MTMR10: variants seen among roughly 807,000 people sequenced by gnomAD.
MTMR10 encodes myotubularin related protein 10, also known as myotubularin-related protein 10.
A neutral mutation model predicts 88.1 loss-of-function variants in MTMR10; 56 were observed. That is an observed-to-expected ratio of 0.64 (90% CI 0.51 to 0.79). MTMR10 has a LOEUF of 0.79. Among genes scored for constraint, MTMR10 ranks in the 30% least tolerant of loss-of-function variants. The probability of loss-of-function intolerance (pLI) is 0.00; values close to 1 mark genes in which losing one functional copy is unlikely to be tolerated. For synonymous variants in MTMR10, 380 were observed against 340.9 expected (o/e 1.11, Z -1.26); for missense variants, 883 against 924.7 (o/e 0.95, Z 0.58).
intron 12 of MTMR10, among the ~76,000 whole-genome samples, chr15:30,950,903 C>T (rs962004975): frequency 8.5e-5 from 13 of 152,074 alleles, no homozygotes; most frequent in African/African-American, 3.1e-4. Context: ...ACTTATAACA[C>T]CTAATACAAT....
chr15:30,942,224 A>C (rs2063078452), intron 15 of MTMR10, 152 bp from the exon 16 acceptor site: 2 of 952,286 alleles, frequency 2.1e-6, no homozygotes, highest in South Asian at 3.3e-5. Context: ...CCTTATTCTA[A>C]TCCTCCTCCC....
intron 2 of MTMR10, among the ~76,000 whole-genome samples, chr15:30,985,443 T>G (rs1231360232): frequency 6.6e-6 from 1 of 152,210 alleles, no homozygotes; most frequent in African/African-American, 2.4e-5. Context: ...GTGTCACCAG[T>G]GCAGCCAGGT....
chr15:30,959,819 T>C (rs1366014220), intron 7 of MTMR10, among the ~76,000 whole-genome samples: 1 of 152,210 alleles, frequency 6.6e-6, no homozygotes, highest in African/African-American at 2.4e-5. Context: ...TCTTCCTTTT[T>C]CTAAAAAGCT....
rs2062952408 is a variant in MTMR10, at chr15:30,939,117, C to T, written c.*2353G>A. On this transcript the variant is annotated 3_prime_UTR_variant, in exon 16 of 16. Coordinates refer to ENST00000435680, the MANE Select transcript of MTMR10 (RefSeq NM_017762.3). Reference sequence around the variant, plus strand: ...TTTTAACCACTTGAGGTTACTACTGCAGCAAGCAGATTTTGTTGACAAATG... The same window carrying T: ...TTTTAACCACTTGAGGTTACTACTGTAGCAAGCAGATTTTGTTGACAAATG... The T allele has an allele frequency of 5.1e-6, 5 of 985,332 alleles. No homozygotes were observed. The highest frequency in any genetic ancestry group is 6.0e-6 in the Non-Finnish European group (5 of 829,906). 61.0% of individuals were successfully genotyped at this position (985,332 alleles called of 1,614,324 possible). A position where few individuals can be genotyped will look rare whatever the true frequency, so the allele number is the denominator to read the frequency against.
rs1269887986 is a variant in MTMR10 at position 30,941,452 on chromosome 15, T to C, written c.*18A>G. ...AAAGTTGACAGCTTCCCTCAAAATGTTCAGAAAACACCCTATTTTAGTCTT... is the reference window on the plus strand; with the variant it reads ...AAAGTTGACAGCTTCCCTCAAAATGCTCAGAAAACACCCTATTTTAGTCTT... On this transcript the variant is annotated 3_prime_UTR_variant, in exon 16 of 16. Transcript: ENST00000435680. 5 of 1,584,504 alleles carry C rather than the reference T, an allele frequency of 3.2e-6. No individual in the cohort carries two copies. The highest frequency in any genetic ancestry group is 4.3e-6 in the Non-Finnish European group (5 of 1,166,416).
intron 13 of MTMR10, 114 bp from the exon 14 acceptor site, chr15:30,947,414 C>G (rs1230997448): frequency 8.0e-7 from 1 of 1,242,266 alleles, no homozygotes; most frequent in African/African-American, 1.5e-5. Context: ...AACATCGAAG[C>G]CTAAAACACT....
At chr15:30,971,708 AAAC>A (rs1419417872) in intron 5 of MTMR10, among the ~76,000 whole-genome samples, 1 of 152,220 alleles carries the variant, frequency 6.6e-6, no homozygotes, top group East Asian at 1.9e-4. Flanking sequence ...AAATCATTAA[AAAC>A]AACCTTTATT....
chr15:30,961,213 C>T (rs2063397341), intron 6 of MTMR10, 140 bp from the exon 7 acceptor site: 1 of 1,177,456 alleles, frequency 8.5e-7, no homozygotes, highest in Non-Finnish European at 1.1e-6. Context: ...CGAGAACTGT[C>T]TTGCCCTTTC....
intron 6 of MTMR10, among the ~76,000 whole-genome samples, chr15:30,964,120 C>T (rs79549382): frequency 0.015 from 2,280 of 152,098 alleles, 57 homozygotes; most frequent in African/African-American, 0.053. Context: ...TCATTAAAAG[C>T]GGGAAGTGAA....
chr15:30,976,796 A>G (rs566078706), intron 3 of MTMR10, 23 bp downstream of exon 3: 1 of 1,602,200 alleles, frequency 6.2e-7, no homozygotes, highest in African/African-American at 1.3e-5. Flanking sequence ...GATAGAATGA[A>G]ACAGTGTACT....
At position 30,941,226 on chromosome 15, in the gene MTMR10, A is replaced by C. The variant is rs1455431931; in HGVS notation, c.*244T>G. On this transcript the variant is annotated 3_prime_UTR_variant, in exon 16 of 16. Transcript: ENST00000435680. ...CAAAAATGTAGCAGACAACATGAAC[A>C]GTTTGATCACGGTTACAAGAGCCAG... 6 of 1,410,448 alleles carry C rather than the reference A, an allele frequency of 4.3e-6. No homozygotes were observed. In the East Asian group the frequency reaches 2.1e-4, roughly 49 times the overall value. The allele number at this position is 1,410,448 out of a possible 1,614,324, so 87.4% of individuals were successfully genotyped here. A position where few individuals can be genotyped will look rare whatever the true frequency, so the allele number is the denominator to read the frequency against.
intron 1 of MTMR10, 171 bp downstream of exon 1, chr15:30,991,276 T>C: frequency 3.4e-6 from 2 of 596,260 alleles, no homozygotes; most frequent in Non-Finnish European, 5.3e-6. Flanking sequence ...GCCGAGCCAG[T>C]GGGGGCTCCC....
chr15:30,973,984 C>CT (rs2029912099), intron 5 of MTMR10, among the ~76,000 whole-genome samples: 2 of 152,132 alleles, frequency 1.3e-5, no homozygotes, highest in African/African-American at 4.8e-5. Context: ...CTAACCAAAC[C>CT]TTAATTACAG....
intron 14 of MTMR10, chr15:30,943,392 G>C: frequency 1.0e-6 from 1 of 984,590 alleles, no homozygotes; most frequent in Non-Finnish European, 1.2e-6. Flanking sequence ...TAAACATGTT[G>C]AATTTATTTC....
rs2063008780 is a variant in MTMR10 at position 30,940,535 on chromosome 15, A to AAAT, written c.*932_*934dup. On this transcript the variant is annotated 3_prime_UTR_variant, in exon 16 of 16. Coordinates refer to ENST00000435680, the MANE Select transcript of MTMR10 (RefSeq NM_017762.3). ...TGCCAGCAATAGTTTACCACACTGG[A>AAAT]AATACTGATGGCCAAGCCCAGCACG... 4.1e-6 allele frequency: 4 copies of AAAT among 985,416 alleles called. No homozygotes were observed. The highest frequency in any genetic ancestry group is 5.2e-4 in the Middle Eastern group (1 of 1,936). 61.0% of individuals were successfully genotyped at this position (985,416 alleles called of 1,614,324 possible).
At chr15:30,988,725 A>G (rs904375467) in intron 2 of MTMR10, among the ~76,000 whole-genome samples, 2 of 152,200 alleles carry the variant, frequency 1.3e-5, no homozygotes, top group Admixed American at 6.5e-5. Context: ...GCAGTGGCTC[A>G]CGCCTGTAAT....
In MTMR10 at chr15:30,941,625, C is replaced by T. The variant is rs192270290; in HGVS notation, c.2179G>A (p.Asp727Asn). The T allele has an allele frequency of 3.5e-5, 56 of 1,605,476 alleles. No homozygotes were observed. Among genetic ancestry groups the T allele is most frequent in the Admixed American group, 3.4e-4 (20 of 58,144 alleles). The change falls in exon 16 of 16, where the codon GAC becomes AAC. Residue 727 changes from aspartate to asparagine, a missense_variant. Asp to Asn is a conservative substitution (Grantham distance 23). Coordinates refer to ENST00000435680, the MANE Select transcript of MTMR10 (RefSeq NM_017762.3). Reference sequence around the variant, plus strand: ...AGAAACTCCGGTGTCCCCGAGGTGTCGGTGTGGTGAGGGCCGCTGGCGTTG... The same window carrying T: ...AGAAACTCCGGTGTCCCCGAGGTGTTGGTGTGGTGAGGGCCGCTGGCGTTG... Reference protein sequence around the residue: ...YFNASGPHHTDTSGTPEFLSS... With the variant: ...YFNASGPHHTNTSGTPEFLSS...
intron 5 of MTMR10, among the ~76,000 whole-genome samples, chr15:30,973,178 C>G (rs1375218409): frequency 6.6e-6 from 1 of 152,092 alleles, no homozygotes; most frequent in Non-Finnish European, 1.5e-5. Flanking sequence ...ACAAACAGCA[C>G]AATCGAACAG....
Position 30,939,288 on chromosome 15 carries a change from C to T in MTMR10, c.*2182G>A. 1.0e-6 allele frequency: 1 copy of T among 985,462 alleles called. No homozygotes were observed. Among genetic ancestry groups the T allele is most frequent in the Non-Finnish European group, 1.2e-6 (1 of 829,952 alleles). The allele number at this position is 985,462 out of a possible 1,614,324, so 61.0% of individuals were successfully genotyped here. ...TTTACGTTCAATACTAGAAATTTCACCCAGTGCATCAGCATCTGTGCGGCA... is the reference window on the plus strand; with the variant it reads ...TTTACGTTCAATACTAGAAATTTCATCCAGTGCATCAGCATCTGTGCGGCA... On this transcript the variant is annotated 3_prime_UTR_variant, in exon 16 of 16. Transcript: ENST00000435680.
Sources: allele counts gnomAD v4.1 joint callset (sites outside exome capture counted in the v4.1 genomes callset), GRCh38; gene constraint gnomAD v4.1.1; transcripts MANE v1.5; gene names NCBI Gene and HGNC (gene_info 2026-07-23, HGNC 2026-07-21).